The following TFAP2B variants were observed in gnomAD, a reference collection of about 807,000 sequenced individuals.
The protein encoded by TFAP2B is transcription factor AP-2-beta.
TFAP2B carries 9 observed loss-of-function variants against 44.3 expected under a neutral mutation model. The ratio of observed to expected loss-of-function variants is 0.20; its 90% CI spans 0.12 to 0.35. The LOEUF (loss-of-function observed/expected upper bound fraction) is 0.35, where lower values mean the gene tolerates loss of function less well. Among genes scored for constraint, TFAP2B ranks in the 10% least tolerant of loss-of-function variants. The pLI is 1.00. For missense variants in TFAP2B, 509 were observed against 600.0 expected, an observed-to-expected ratio of 0.85 and a Z score of 1.59; for synonymous variants, 270 against 263.8, an observed-to-expected ratio of 1.02 and a Z score of -0.23.
intron 1 of TFAP2B, among the ~76,000 whole-genome samples, chr6:50,820,396 C>G (rs963620222): frequency 3.9e-5 from 6 of 152,226 alleles, no homozygotes; most frequent in Non-Finnish European, 7.3e-5. Flanking sequence ...CTCCTGCCCC[C>G]CCCCGAATCC....
chr6:50,821,823 G>T, intron 1 of TFAP2B: 4 of 253,786 alleles, frequency 1.6e-5, no homozygotes, highest in Admixed American at 4.9e-5. Flanking sequence ...GAGGGAGGAA[G>T]GGGCGGCCGA....
chr6:50,838,171 T>C, intron 5 of TFAP2B, 78 bp downstream of exon 5: 1 of 1,120,324 alleles, frequency 8.9e-7, no homozygotes, highest in Non-Finnish European at 1.4e-6. Context: ...ACACATTTCA[T>C]GATTAACTGG....
Position 50,840,263 on chromosome 6 carries a change from C to G in TFAP2B, c.1048C>G (p.Leu350Val). 1 of 1,614,096 alleles carries G rather than the reference C, an allele frequency of 6.2e-7. No individual in the cohort carries two copies. The highest frequency in any genetic ancestry group is 8.5e-7 in the Non-Finnish European group (1 of 1,180,026). The change falls in exon 6 of 7, where the codon CTG becomes GTG. Residue 350 changes from leucine to valine, a missense_variant. Physicochemically the swap from Leu to Val is conservative, Grantham distance 32 (BLOSUM62 1). Coordinates refer to ENST00000393655, the MANE Select transcript of TFAP2B (RefSeq NM_003221.4). Reference protein sequence around the residue: ...LNRQHTDPSDLHSRKNMLLAT... With the variant: ...LNRQHTDPSDVHSRKNMLLAT... ...CCGGCAGCACACAGACCCGAGTGACCTGCACTCCCGAAAGAATATGCTGTT... is the reference window on the plus strand; with the variant it reads ...CCGGCAGCACACAGACCCGAGTGACGTGCACTCCCGAAAGAATATGCTGTT...
intron 1 of TFAP2B, among the ~76,000 whole-genome samples, chr6:50,820,161 G>C (rs1338362360): frequency 6.6e-6 from 1 of 152,244 alleles, no homozygotes; most frequent in Non-Finnish European, 1.5e-5. Flanking sequence ...AGACTCCCGG[G>C]TGGCGGGCGC....
chr6:50,831,259 C>A (rs190567747), intron 3 of TFAP2B, among the ~76,000 whole-genome samples: 222 of 152,300 alleles, frequency 1.5e-3, no homozygotes, highest in Non-Finnish European at 2.7e-3. Flanking sequence ...GTAGAGAGAG[C>A]AAACGAGTGG....
intron 2 of TFAP2B, among the ~76,000 whole-genome samples, chr6:50,825,188 T>G (rs372219621): frequency 2.6e-5 from 4 of 152,214 alleles, no homozygotes; most frequent in Admixed American, 6.5e-5. Flanking sequence ...GATTTACTGA[T>G]AGTAATAAGA....
At chr6:50,842,244 A>T (rs1762748084) in intron 6 of TFAP2B, among the ~76,000 whole-genome samples, 1 of 152,216 alleles carries the variant, frequency 6.6e-6, no homozygotes, top group Non-Finnish European at 1.5e-5. Context: ...CATCCCATCC[A>T]GCTCCTATAT....
chr6:50,846,462 C>A lies in TFAP2B; in HGVS notation c.*3070C>A. ...TTCAAACCAAACAGGTGAGTTGCAG[C>A]TCTCCCCCCGGCCCCTGCACTCTTC... On this transcript the variant is annotated 3_prime_UTR_variant, in exon 7 of 7. Coordinates refer to ENST00000393655, the MANE Select transcript of TFAP2B (RefSeq NM_003221.4). 6.5e-6 allele frequency: 1 copy of A among 152,778 alleles called. No individual in the cohort carries two copies. 9.5% of individuals were successfully genotyped at this position (152,778 alleles called of 1,614,324 possible). A position where few individuals can be genotyped will look rare whatever the true frequency, so the allele number is the denominator to read the frequency against.
At chr6:50,829,905 A>G (rs143270413) in intron 3 of TFAP2B, among the ~76,000 whole-genome samples, 118 of 152,256 alleles carry the variant, frequency 7.8e-4, no homozygotes, top group African/African-American at 2.8e-3. Context: ...AAAGTATAGT[A>G]AGGTTTGGGG....
upstream of TFAP2B, chr6:50,818,848 A>C: frequency 6.3e-7 from 1 of 1,580,094 alleles, no homozygotes; most frequent in East Asian, 2.2e-5. Flanking sequence ...GGATCATTAC[A>C]GACAGCGGAG....
intron 1 of TFAP2B, chr6:50,822,020 C>A: frequency 2.1e-6 from 1 of 481,876 alleles, no homozygotes; most frequent in Non-Finnish European, 3.3e-6. Flanking sequence ...GATGGCTTGT[C>A]CTGGAAACAC....
Position 50,846,975 on chromosome 6 carries a change from A to G in TFAP2B, c.*3583A>G, listed in dbSNP as rs1762862863. 6.6e-6 allele frequency: 1 copy of G among 152,628 alleles called. No individual in the cohort carries two copies. Among genetic ancestry groups the G allele is most frequent in the Non-Finnish European group, 1.5e-5 (1 of 68,042 alleles). The allele number at this position is 152,628 out of a possible 1,614,324, so 9.5% of individuals were successfully genotyped here. A position where few individuals can be genotyped will look rare whatever the true frequency, so the allele number is the denominator to read the frequency against. On this transcript the variant is annotated 3_prime_UTR_variant, in exon 7 of 7. Coordinates refer to ENST00000393655, the MANE Select transcript of TFAP2B (RefSeq NM_003221.4). ...TCCTACGAAAACTTTGGTCGAATGG[A>G]AAACTCGAAACCTCGAGCTTATCTA...
At chr6:50,825,865 C>T (rs1447675005) in intron 2 of TFAP2B, among the ~76,000 whole-genome samples, 1 of 152,120 alleles carries the variant, frequency 6.6e-6, no homozygotes, top group African/African-American at 2.4e-5. Context: ...GGGACGACCC[C>T]TATAGTGCAA....
chr6:50,833,346 A>C (rs1762552620), intron 3 of TFAP2B, among the ~76,000 whole-genome samples: 1 of 152,226 alleles, frequency 6.6e-6, no homozygotes, highest in South Asian at 2.1e-4. Context: ...TTATGGATCT[A>C]AAGGAAAGTT....
At position 50,823,582 on chromosome 6, in the gene TFAP2B, A is replaced by C. The variant is rs1347335575; in HGVS notation, c.257A>C (p.Tyr86Ser). 6.2e-7 allele frequency: 1 copy of C among 1,610,134 alleles called. No individual in the cohort carries two copies. Among genetic ancestry groups the C allele is most frequent in the African/African-American group, 1.4e-5 (1 of 73,322 alleles). Residue 86 changes from tyrosine to serine, a missense_variant, in exon 2 of 7, where the codon TAC becomes TCC. Physicochemically the swap from Tyr to Ser is moderately radical, Grantham distance 144 (BLOSUM62 -2). Coordinates refer to ENST00000393655, the MANE Select transcript of TFAP2B (RefSeq NM_003221.4). ...CCCTACCACCAGAGCCAGGACCCCTACTCCCACGTCAACGACCCCTACTCC... is the reference window on the plus strand; with the variant it reads ...CCCTACCACCAGAGCCAGGACCCCTCCTCCCACGTCAACGACCCCTACTCC... ...PLPYHQSQDP[Y>S]SHVNDPYSLN...
chr6:50,825,925 G>A (rs985914970), intron 2 of TFAP2B, among the ~76,000 whole-genome samples: 2 of 152,138 alleles, frequency 1.3e-5, no homozygotes, highest in African/African-American at 4.8e-5. Context: ...AGACAGGGAC[G>A]GTCTCTGCCT....
At chr6:50,819,653 C>T (rs925007624) in intron 1 of TFAP2B, among the ~76,000 whole-genome samples, 1 of 152,232 alleles carries the variant, frequency 6.6e-6, no homozygotes, top group Non-Finnish European at 1.5e-5. Context: ...GCGTACGGGT[C>T]TCTAGCACTG....
rs77618355 is a variant in TFAP2B at position 50,832,575 on chromosome 6, T to C, written c.602-3486T>C. Among the ~76,000 whole-genome samples, 860 of 152,290 alleles carry C rather than the reference T, an allele frequency of 5.6e-3. 9 individuals are homozygous for C. The highest frequency in any genetic ancestry group is 0.019 in the African/African-American group (807 of 41,562). ...CTGGTGAGAAAAAGAGTGCTAACTT[T>C]TAGGGGCCACTTTGAGTCAGTGCTA... On this transcript the variant is annotated intron_variant, in intron 3 of 6. Transcript: ENST00000393655.
At chr6:50,820,699 A>G (rs985938962) in intron 1 of TFAP2B, among the ~76,000 whole-genome samples, 7 of 152,266 alleles carry the variant, frequency 4.6e-5, no homozygotes, top group Non-Finnish European at 7.3e-5. Context: ...AAAGAATATT[A>G]GCGCCCAAAG....
Sources: allele counts gnomAD v4.1 joint callset (sites outside exome capture counted in the v4.1 genomes callset), GRCh38; gene constraint gnomAD v4.1.1; transcripts MANE v1.5; gene names NCBI Gene and HGNC (gene_info 2026-07-23, HGNC 2026-07-21).